GYPB: variants seen among roughly 807,000 people sequenced by gnomAD.
GYPB encodes the protein glycophorin B (MNS blood group), also known as glycophorin-B.
In GYPB, 13 loss-of-function variants were observed where a neutral mutation model predicts 15.3. That is an observed-to-expected ratio of 0.85 (90% CI 0.55 to 1.35). GYPB has a LOEUF of 1.35. GYPB is among the 40% of genes most tolerant of loss of function. The probability of loss-of-function intolerance (pLI) is 0.00; values close to 1 mark genes in which losing one functional copy is unlikely to be tolerated. For missense variants in GYPB, 131 were observed against 108.3 expected, an observed-to-expected ratio of 1.21 and a Z score of -0.93; for synonymous variants, 38 against 36.9, an observed-to-expected ratio of 1.03 and a Z score of -0.11.
intron 1 of GYPB, among the ~76,000 whole-genome samples, chr4:144,017,570 C>T (rs1246268178): frequency 6.6e-6 from 1 of 150,712 alleles, no homozygotes; most frequent in African/African-American, 2.5e-5. Context: ...TATCAAGTGC[C>T]ATTTAAGGCT....
At chr4:144,015,847 T>G (rs544580825) in intron 1 of GYPB, among the ~76,000 whole-genome samples, 2 of 151,278 alleles carry the variant, frequency 1.3e-5, no homozygotes, top group Non-Finnish European at 2.9e-5. Flanking sequence ...GTAGATACCA[T>G]CTACTCGGTG....
intron 1 of GYPB, among the ~76,000 whole-genome samples, 200 bp downstream of exon 1, chr4:144,019,051 G>T (rs1281020558): frequency 3.3e-5 from 5 of 151,182 alleles, no homozygotes; most frequent in Admixed American, 2.6e-4. Context: ...ACTGGATTCG[G>T]CCATAAATAC....
At chr4:144,005,126 A>T (rs1727836905) in intron 1 of GYPB, among the ~76,000 whole-genome samples, 1 of 151,972 alleles carries the variant, frequency 6.6e-6, no homozygotes, top group African/African-American at 2.4e-5. Context: ...GCCCTGTTGA[A>T]TTCAGAAGGT....
At position 144,005,268 on chromosome 4, in the gene GYPB, T is replaced by C. The variant is rs1330996774; in HGVS notation, c.38-3985A>G. The stretch of plus-strand genomic sequence containing the variant: ...TCTGGTAAGCAGCAGAACTGAGACT[T>C]AATTCTGCTGACCCCCAATATTAGT... On this transcript the variant is annotated intron_variant, in intron 1 of 4. Transcript: ENST00000502664. Among the ~76,000 whole-genome samples the C allele has an allele frequency of 1.7e-4, 26 of 152,094 alleles. 2 individuals are homozygous for C. The highest frequency in any genetic ancestry group is 5.6e-4 in the African/African-American group (23 of 41,282).
chr4:144,018,677 G>A lies in GYPB; in HGVS notation c.37+574C>T, dbSNP rs528371532. On this transcript the variant is annotated intron_variant, in intron 1 of 4. Coordinates refer to ENST00000502664, the MANE Select transcript of GYPB (RefSeq NM_002100.6). ...TGACCCTATGATATTTATTTTAATG[G>A]ATTTAAATTTCTCCTAAAATTCACA... Among the ~76,000 whole-genome samples the A allele has an allele frequency of 6.0e-5, 9 of 150,692 alleles. 1 individual carries two copies. Among genetic ancestry groups the A allele is most frequent in the African/African-American group, 2.2e-4 (9 of 40,420 alleles).
chr4:144,002,494 A>T (rs1315220458), intron 1 of GYPB: 2 of 764,928 alleles, frequency 2.6e-6, no homozygotes, highest in Non-Finnish European at 3.8e-6. Flanking sequence ...TATTCTGTGC[A>T]TTCATGTGTT....
intron 3 of GYPB, among the ~76,000 whole-genome samples, chr4:143,998,534 A>G (rs28523649): frequency 0.26 from 36,805 of 142,868 alleles, 5,224 homozygotes; most frequent in Middle Eastern, 0.31. Flanking sequence ...CCTGTGAGCC[A>G]TGGACACGGC....
chr4:143,997,614 T>A lies in GYPB; in HGVS notation c.196A>T (p.Ile66Phe). 2.5e-6 allele frequency: 4 copies of A among 1,585,314 alleles called. No individual in the cohort carries two copies. The highest frequency in any genetic ancestry group is 3.5e-6 in the Non-Finnish European group (4 of 1,156,280). Reference protein sequence around the residue: ...TVPAPVVIILIILCVMAGIIG... With the variant: ...TVPAPVVIILFILCVMAGIIG... ...ATACCAGCCATCACACACAAAATAA[T>A]GAGTATTATCACTACAGGAGCTAAA... The change falls in exon 4 of 5, where the codon ATT (isoleucine) becomes TTT (phenylalanine). Residue 66 changes from isoleucine (I) to phenylalanine (F), a missense_variant. Physicochemically the swap from Ile to Phe is conservative, Grantham distance 21. Coordinates refer to ENST00000502664, the MANE Select transcript of GYPB (RefSeq NM_002100.6).
intron 1 of GYPB, among the ~76,000 whole-genome samples, chr4:144,006,023 C>A (rs1182260863): frequency 2.0e-5 from 3 of 151,564 alleles, no homozygotes; most frequent in Non-Finnish European, 1.5e-5. Context: ...GATTAAGTGG[C>A]AAATTAGTGC....
chr4:143,999,774 C>A (rs1256461692), intron 2 of GYPB, among the ~76,000 whole-genome samples: 10 of 151,296 alleles, frequency 6.6e-5, no homozygotes, highest in African/African-American at 7.4e-5. Context: ...ATTTTTAAAA[C>A]ATGTAAAAAA....
rs375180038 is a variant in GYPB, at chr4:143,997,848, G to T, written c.176-214C>A. Among the ~76,000 whole-genome samples the T allele has an allele frequency of 2.6e-5, 4 of 151,386 alleles. No individual in the cohort carries two copies. In the South Asian group the frequency reaches 8.3e-4, roughly 31 times the overall value. ...GTGAGTGATCAAGTCTTTTGTCCAA[G>T]GTCGCAAAATAGTTGATGACAGAAC... On this transcript the variant is annotated intron_variant, in intron 3 of 4. Coordinates refer to ENST00000502664, the MANE Select transcript of GYPB (RefSeq NM_002100.6).
At chr4:144,008,313 A>G (rs1728032732) in intron 1 of GYPB, 1 of 445,530 alleles carries the variant, frequency 2.2e-6, no homozygotes, top group Non-Finnish European at 4.5e-6. Context: ...TCACCAAATT[A>G]TAATGCAACC....
In GYPB at chr4:144,000,535, C is replaced by T. The variant is rs140598720; in HGVS notation, c.136+650G>A. ...ATGAGGTGACTGCGTGGACATACAG[C>T]GTATCATGAAAGACAAATTCTCCCA... On this transcript the variant is annotated intron_variant, in intron 2 of 4. Coordinates refer to ENST00000502664, the MANE Select transcript of GYPB (RefSeq NM_002100.6). 2.7e-3 allele frequency: 1,120 copies of T among 410,994 alleles called. 55 individuals carry two copies. Among genetic ancestry groups the T allele is most frequent in the African/African-American group, 0.022 (993 of 45,410 alleles). 25.5% of individuals were successfully genotyped at this position (410,994 alleles called of 1,614,324 possible). A position where few individuals can be genotyped will look rare whatever the true frequency, so the allele number is the denominator to read the frequency against.
chr4:144,000,248 C>G lies in GYPB; in HGVS notation c.137-799G>C, dbSNP rs191451459. The G allele has an allele frequency of 5.9e-3, 1,225 of 207,434 alleles. 70 individuals are homozygous for G. The highest frequency in any genetic ancestry group is 0.027 in the African/African-American group (1,133 of 41,490). 12.8% of individuals were successfully genotyped at this position (207,434 alleles called of 1,614,324 possible). The stretch of plus-strand genomic sequence containing the variant: ...TGGTCACAGTTAATAGTTGTGGGTG[C>G]TATATGGGCTTTGGAGTAAAAGAGT... On this transcript the variant is annotated intron_variant, in intron 2 of 4. Coordinates refer to ENST00000502664, the MANE Select transcript of GYPB (RefSeq NM_002100.6).
intron 1 of GYPB, among the ~76,000 whole-genome samples, chr4:144,005,795 T>C (rs1410190945): frequency 1.3e-5 from 2 of 151,698 alleles, no homozygotes; most frequent in African/African-American, 4.9e-5. Flanking sequence ...CTGAGAAACA[T>C]ACTCTCAAGA....
At chr4:144,000,883 C>T (rs1337127956) in intron 2 of GYPB, among the ~76,000 whole-genome samples, 1 of 151,218 alleles carries the variant, frequency 6.6e-6, no homozygotes, top group Non-Finnish European at 1.5e-5. Flanking sequence ...CCCACAGACC[C>T]TCCGCACCAC....
intron 1 of GYPB, among the ~76,000 whole-genome samples, 179 bp from the exon 2 acceptor site, chr4:144,001,462 T>C (rs1328245522): frequency 6.6e-6 from 1 of 151,502 alleles, no homozygotes; most frequent in African/African-American, 2.5e-5. Context: ...TTATTGGCCT[T>C]ATTTTAAAAT....
chr4:144,001,208 C>G lies in GYPB; in HGVS notation c.113G>C (p.Ser38Thr). The G allele has an allele frequency of 6.2e-7, 1 of 1,612,854 alleles. No homozygotes were observed. The highest frequency in any genetic ancestry group is 8.5e-7 in the Non-Finnish European group (1 of 1,179,806). Residue 38 changes from serine to threonine, a missense_variant, in exon 2 of 5, where the codon AGT (serine) becomes ACT (threonine). Physicochemically the swap from Ser to Thr is moderately conservative, Grantham distance 58. Coordinates refer to ENST00000502664, the MANE Select transcript of GYPB (RefSeq NM_002100.6). ...HTSTSSSVTK[S>T]YISSQTNGET... ...ACCATTTGTCTGTGATGAGATGTAA[C>G]TCTTTGTGACTGAAGAAGAGGTTGA...
Position 143,999,390 on chromosome 4 carries a change from C to T in GYPB, c.175+21G>A, listed in dbSNP as rs763841328. 153 of 1,404,690 alleles carry T rather than the reference C, an allele frequency of 1.1e-4. 1 individual carries two copies. The highest frequency in any genetic ancestry group is 7.9e-4 in the South Asian group (66 of 83,284). The allele number at this position is 1,404,690 out of a possible 1,614,324, so 87.0% of individuals were successfully genotyped here. A position where few individuals can be genotyped will look rare whatever the true frequency, so the allele number is the denominator to read the frequency against. ...AGTTTAAAATGGAATGACTTTTATT[C>T]TTTGTCAAATATTAACATACCTGGT... On this transcript the variant is annotated intron_variant, in intron 3 of 4. Coordinates refer to ENST00000502664, the MANE Select transcript of GYPB (RefSeq NM_002100.6).
Sources: allele counts gnomAD v4.1 joint callset (sites outside exome capture counted in the v4.1 genomes callset), GRCh38; gene constraint gnomAD v4.1.1; transcripts MANE v1.5; gene names NCBI Gene and HGNC (gene_info 2026-07-23, HGNC 2026-07-21).